Variants in TAS2R1 observed in about 807,000 individuals in gnomAD.
The protein encoded by TAS2R1 is taste 2 receptor member 1, also known as taste receptor type 2 member 1.
For synonymous variants in TAS2R1, 141 were observed against 134.2 expected (o/e 1.05, Z -0.35); for missense variants, 370 against 353.4 (o/e 1.05, Z -0.38).
chr5:9,899,013 T>C, the TAS2R1 span, among the ~76,000 whole-genome samples: 2 of 152,196 alleles, frequency 1.3e-5, no homozygotes, highest in Non-Finnish European at 2.9e-5. Context: ...ATGCTAACCG[T>C]GCCTACCATT....
At chr5:9,679,642 G>A (rs1740956189) in intron 1 of TAS2R1, among the ~76,000 whole-genome samples, 1 of 152,130 alleles carries the variant, frequency 6.6e-6, no homozygotes, top group African/African-American at 2.4e-5. Context: ...GTCAGATGGT[G>A]GAATCCAGGT....
chr5:9,664,099 C>T (rs1740586427), intron 1 of TAS2R1, among the ~76,000 whole-genome samples: 1 of 152,090 alleles, frequency 6.6e-6, no homozygotes, highest in South Asian at 2.1e-4. Context: ...TGTTGTGGCA[C>T]TCCTAGGAAA....
chr5:9,839,281 C>T, the TAS2R1 span, among the ~76,000 whole-genome samples: 1 of 152,164 alleles, frequency 6.6e-6, no homozygotes, highest in South Asian at 2.1e-4. Flanking sequence ...GCTGATGGAA[C>T]TCTCAGGTTT....
intron 2 of TAS2R1, among the ~76,000 whole-genome samples, chr5:9,639,724 T>G (rs1740035127): frequency 6.6e-6 from 1 of 152,256 alleles, no homozygotes; most frequent in Admixed American, 6.5e-5. Flanking sequence ...CCTTGTACTT[T>G]TATGTTAGAT....
intron 2 of TAS2R1, among the ~76,000 whole-genome samples, chr5:9,646,570 G>C (rs1004712182): frequency 1.3e-5 from 2 of 152,124 alleles, no homozygotes; most frequent in Non-Finnish European, 2.9e-5. Context: ...TATTTTTCCT[G>C]CCCTTCAAAG....
the TAS2R1 span, among the ~76,000 whole-genome samples, chr5:9,725,697 A>G: frequency 6.9e-6 from 1 of 144,686 alleles, no homozygotes; most frequent in African/African-American, 2.9e-5. Context: ...CGACCACCCA[A>G]GGGCTGAGGA....
chr5:9,875,666 A>T, the TAS2R1 span, among the ~76,000 whole-genome samples: 1 of 152,130 alleles, frequency 6.6e-6, no homozygotes, highest in African/African-American at 2.4e-5. Flanking sequence ...AGTTACCACA[A>T]CTCAATGGCT....
At chr5:9,687,686 T>G (rs1741155708) in intron 1 of TAS2R1, among the ~76,000 whole-genome samples, 1 of 152,228 alleles carries the variant, frequency 6.6e-6, no homozygotes, top group Non-Finnish European at 1.5e-5. Flanking sequence ...TCAACAAACC[T>G]GGACAGACTT....
At chr5:9,900,874 C>T in the TAS2R1 span, among the ~76,000 whole-genome samples, 14 of 152,216 alleles carry the variant, frequency 9.2e-5, no homozygotes, top group Admixed American at 8.5e-4. Flanking sequence ...CCGCCCGCCT[C>T]GGCCTCCTGC....
intron 1 of TAS2R1, among the ~76,000 whole-genome samples, chr5:9,668,602 AC>A (rs1170827202): frequency 6.6e-6 from 1 of 152,200 alleles, no homozygotes; most frequent in African/African-American, 2.4e-5. Context: ...TTAGAGGCCT[AC>A]ATTCAGCATT....
chr5:9,843,721 G>A, the TAS2R1 span, among the ~76,000 whole-genome samples: 9,086 of 152,208 alleles, frequency 0.06, 645 homozygotes, highest in East Asian at 0.23. Context: ...TGAGGAGATG[G>A]CTGGGTACCA....
the TAS2R1 span, chr5:9,883,374 C>T: frequency 2.6e-5 from 4 of 152,018 alleles, no homozygotes; most frequent in Admixed American, 6.6e-5. Flanking sequence ...TATCCTGGAA[C>T]ATAAAATTTA....
At chr5:9,675,590 T>C (rs1237360563) in intron 1 of TAS2R1, among the ~76,000 whole-genome samples, 1 of 151,996 alleles carries the variant, frequency 6.6e-6, no homozygotes. Flanking sequence ...CTAATTTTTG[T>C]ATTTTTAGCA....
At chr5:9,781,694 T>C in the TAS2R1 span, among the ~76,000 whole-genome samples, 2 of 152,356 alleles carry the variant, frequency 1.3e-5, no homozygotes, top group African/African-American at 4.8e-5. Context: ...CTCCAGTGCT[T>C]GGACCCTAGA....
chr5:9,800,598 T>A, the TAS2R1 span, among the ~76,000 whole-genome samples: 3 of 152,116 alleles, frequency 2.0e-5, no homozygotes, highest in Non-Finnish European at 1.5e-5. Context: ...CACCTCCAAG[T>A]GCCTGTGTAT....
intron 2 of TAS2R1, among the ~76,000 whole-genome samples, chr5:9,637,937 T>C (rs1455067515): frequency 6.6e-6 from 1 of 152,226 alleles, no homozygotes. Context: ...CAGAGAGTTC[T>C]TCTTGGTTTG....
At chr5:9,728,751 G>A in the TAS2R1 span, among the ~76,000 whole-genome samples, 170 of 152,280 alleles carry the variant, frequency 1.1e-3, 2 homozygotes, top group Admixed American at 0.011. Flanking sequence ...GCTCTTGCCA[G>A]CCCTTAGTGG....
chr5:9,635,468 C>A (rs1192247847), intron 2 of TAS2R1, among the ~76,000 whole-genome samples: 2 of 151,882 alleles, frequency 1.3e-5, no homozygotes, highest in Non-Finnish European at 2.9e-5. Flanking sequence ...CACAGAATGA[C>A]ATAAGGAGGA....
intron 1 of TAS2R1, among the ~76,000 whole-genome samples, chr5:9,667,234 G>T (rs1008813285): frequency 1.4e-4 from 22 of 152,146 alleles, no homozygotes; most frequent in African/African-American, 5.3e-4. Flanking sequence ...GCAGCTTCCT[G>T]TTGTCCAGGA....
Sources: allele counts gnomAD v4.1 joint callset (sites outside exome capture counted in the v4.1 genomes callset), GRCh38; gene constraint gnomAD v4.1.1; transcripts MANE v1.5; gene names NCBI Gene and HGNC (gene_info 2026-07-23, HGNC 2026-07-21).